HTR2A: variants seen among roughly 807,000 people sequenced by gnomAD.
HTR2A encodes the protein 5-HT2 receptor.
In HTR2A, 14 loss-of-function variants were observed where a neutral mutation model predicts 31.0. The ratio of observed to expected loss-of-function variants is 0.45; its 90% confidence interval spans 0.30 to 0.71. The LOEUF is 0.71. Ranked by LOEUF, HTR2A falls within the 30% of genes least tolerant of loss-of-function variation. The pLI is 0.09. For missense variants in HTR2A, 442 were observed against 573.3 expected, an observed-to-expected ratio of 0.77 and a Z score of 2.34; for synonymous variants, 209 against 225.2, an observed-to-expected ratio of 0.93 and a Z score of 0.64.
In HTR2A at chr13:46,831,816, A is replaced by G. The variant is rs541905869; in HGVS notation, c.*3021T>C. 18 of 152,362 alleles carry G rather than the reference A, an allele frequency of 1.2e-4. No homozygotes were observed. Among genetic ancestry groups the G allele is most frequent in the African/African-American group, 3.8e-4 (16 of 41,586 alleles). 9.4% of individuals were successfully genotyped at this position (152,362 alleles called of 1,614,324 possible). Reference sequence around the variant, plus strand: ...GGCGCTGTGGCCAAGTAAATGCAGTATGCTTTAAACAGTTTTCCCTAATTA... The same window carrying G: ...GGCGCTGTGGCCAAGTAAATGCAGTGTGCTTTAAACAGTTTTCCCTAATTA... On this transcript the variant is annotated 3_prime_UTR_variant, in exon 4 of 4. Transcript: ENST00000542664.
At chr13:46,849,039 T>G (rs1566303099) in intron 3 of HTR2A, among the ~76,000 whole-genome samples, 1 of 152,304 alleles carries the variant, frequency 6.6e-6, no homozygotes, top group East Asian at 1.9e-4. Flanking sequence ...CCTCTCAATT[T>G]GGATGTCTCC....
intron 3 of HTR2A, chr13:46,856,094 C>T (rs980413576): frequency 3.3e-5 from 5 of 152,328 alleles, no homozygotes; most frequent in East Asian, 1.9e-4. Context: ...TCTTAGAAAA[C>T]GAAGAGTGCT....
At chr13:46,882,891 G>A (rs1950977122) in intron 3 of HTR2A, among the ~76,000 whole-genome samples, 1 of 152,134 alleles carries the variant, frequency 6.6e-6, no homozygotes, top group Admixed American at 6.5e-5. Context: ...GATCCACCAT[G>A]CAAACAGAAA....
intron 3 of HTR2A, among the ~76,000 whole-genome samples, chr13:46,891,686 T>C (rs1951053870): frequency 6.6e-6 from 1 of 152,228 alleles, no homozygotes; most frequent in Admixed American, 6.5e-5. Context: ...CCAACCAAGC[T>C]GCTGAGGTTG....
At chr13:46,896,352 A>C (rs760680537) in intron 1 of HTR2A, 118 bp from the exon 2 acceptor site, 4 of 507,854 alleles carry the variant, frequency 7.9e-6, no homozygotes, top group African/African-American at 2.0e-5. Context: ...GCATGCAATC[A>C]GAAACAGTGG....
chr13:46,878,956 A>G (rs985830470), intron 3 of HTR2A, among the ~76,000 whole-genome samples: 2 of 152,254 alleles, frequency 1.3e-5, no homozygotes, highest in African/African-American at 4.8e-5. Context: ...GAATTTCTGG[A>G]AGACAGCAGA....
rs182959107 is a variant in HTR2A, at chr13:46,886,378, A to G, written c.613+6012T>C. On this transcript the variant is annotated intron_variant, in intron 3 of 3. Transcript: ENST00000542664. ...TCATTTAAAAATGAGCTATTAAAAT[A>G]TAAATATAAGATGGAAGGGCTAAAA... Among the ~76,000 whole-genome samples, 7 of 152,304 alleles carry G rather than the reference A, an allele frequency of 4.6e-5. No individual in the cohort carries two copies. In the East Asian group the frequency reaches 1.2e-3, roughly 25 times the overall value.
Position 46,832,278 on chromosome 13 carries a change from C to G in HTR2A, c.*2559G>C, listed in dbSNP as rs569651540. On this transcript the variant is annotated 3_prime_UTR_variant, in exon 4 of 4. Coordinates refer to ENST00000542664, the MANE Select transcript of HTR2A (RefSeq NM_000621.5). ...AATAAACATGATACAAACATGCACA[C>G]ATGTGTATATACTGAGTGTTTTCAT... is the stretch of plus-strand genomic sequence containing the variant. 6 of 152,202 alleles carry G rather than the reference C, an allele frequency of 3.9e-5. No individual in the cohort carries two copies. Among genetic ancestry groups the G allele is most frequent in the Non-Finnish European group, 8.8e-5 (6 of 68,032 alleles). 9.4% of individuals were successfully genotyped at this position (152,202 alleles called of 1,614,324 possible).
chr13:46,873,959 A>T (rs1047557820), intron 3 of HTR2A, among the ~76,000 whole-genome samples: 1 of 152,188 alleles, frequency 6.6e-6, no homozygotes. Context: ...CCCTGAGGAA[A>T]ATTCCCTATT....
intron 3 of HTR2A, among the ~76,000 whole-genome samples, chr13:46,858,117 TTAA>T (rs968133364): frequency 6.6e-6 from 1 of 151,952 alleles, no homozygotes; most frequent in Non-Finnish European, 1.5e-5. Flanking sequence ...AAAATGAAGG[TTAA>T]GAGTTTAGCT....
At chr13:46,888,470 GA>G (rs34023544) in intron 3 of HTR2A, among the ~76,000 whole-genome samples, 26,566 of 146,934 alleles carry the variant, frequency 0.18, 2,605 homozygotes, top group Non-Finnish European at 0.21. Flanking sequence ...ATGAAGTGCT[GA>G]AAAAAAAAAA....
In HTR2A at chr13:46,892,585, G is replaced by T. The variant is rs962495795; in HGVS notation, c.418C>A (p.Arg140=). 2.5e-6 allele frequency: 4 copies of T among 1,614,024 alleles called. No homozygotes were observed. The highest frequency in any genetic ancestry group is 3.4e-6 in the Non-Finnish European group (4 of 1,179,970). Residue 140 remains arginine (R), a synonymous_variant, in exon 3 of 4, where the codon CGG becomes AGG. Coordinates refer to ENST00000542664, the MANE Select transcript of HTR2A (RefSeq NM_000621.5). ...CAAAGCTTGCTCGGCAGAGGCCACCGGTACCCTATGAGGCAGAAGGTTGGT... is the reference window on the plus strand; with the variant it reads ...CAAAGCTTGCTCGGCAGAGGCCACCTGTACCCTATGAGGCAGAAGGTTGGT... The part of the protein sequence containing the change: ...VSMLTILYGY[R]WPLPSKLCAV...
rs770236124 is a variant in HTR2A at position 46,835,542 on chromosome 13, G to A, written c.711C>T (p.Ile237=). The change falls in exon 4 of 4, where the codon ATC becomes ATT. Residue 237 remains isoleucine, a synonymous_variant. Coordinates refer to ENST00000542664, the MANE Select transcript of HTR2A (RefSeq NM_000621.5). ...GAATGAAAAATGACACAAAAGAGCCGATCAGGACAAAGTTATCATCGGCGA... is the reference window on the plus strand; with the variant it reads ...GAATGAAAAATGACACAAAAGAGCCAATCAGGACAAAGTTATCATCGGCGA... ...CLLADDNFVL[I]GSFVSFFIPL... is the part of the protein sequence containing the mutation. The A allele has an allele frequency of 1.4e-5, 23 of 1,613,848 alleles. 1 individual carries two copies. Among genetic ancestry groups the A allele is most frequent in the Middle Eastern group, 1.6e-4 (1 of 6,082 alleles).
intron 3 of HTR2A, among the ~76,000 whole-genome samples, chr13:46,870,494 T>C (rs1487796681): frequency 6.6e-6 from 1 of 152,196 alleles, no homozygotes; most frequent in Non-Finnish European, 1.5e-5. Context: ...TTTGCTAAGA[T>C]ACATTGTATG....
At chr13:46,875,219 A>C (rs1463839363) in intron 3 of HTR2A, among the ~76,000 whole-genome samples, 1 of 152,200 alleles carries the variant, frequency 6.6e-6, no homozygotes, top group Non-Finnish European at 1.5e-5. Flanking sequence ...AGTCATGTAA[A>C]CCTTTATAGT....
chr13:46,892,625 C>T, intron 2 of HTR2A, 35 bp from the exon 3 acceptor site: 2 of 1,571,294 alleles, frequency 1.3e-6, no homozygotes, highest in Middle Eastern at 1.9e-4. Context: ...GTGAGCAACC[C>T]TGTGCCTCCT....
At chr13:46,852,119 G>A (rs940208349) in intron 3 of HTR2A, 2 of 152,290 alleles carry the variant, frequency 1.3e-5, no homozygotes, top group Non-Finnish European at 2.9e-5. Context: ...GAAGCTGGAG[G>A]GGCCAGTGAC....
At position 46,854,849 on chromosome 13, in the gene HTR2A, G is replaced by C. The variant is rs79513460; in HGVS notation, c.614-19210C>G. ...CCCTCAAATGATCCCCAGTAGCTGT[G>C]AATGTGATCTTATTTGGAAATAGAT... is the stretch of plus-strand genomic sequence containing the variant. On this transcript the variant is annotated intron_variant, in intron 3 of 3. Transcript: ENST00000542664. Among the ~76,000 whole-genome samples the C allele has an allele frequency of 4.8e-3, 727 of 152,270 alleles. 7 individuals carry two copies. Among genetic ancestry groups the C allele is most frequent in the African/African-American group, 0.016 (684 of 41,544 alleles).
chr13:46,867,877 C>T (rs1429629548), intron 3 of HTR2A, among the ~76,000 whole-genome samples: 1 of 152,072 alleles, frequency 6.6e-6, no homozygotes, highest in East Asian at 1.9e-4. Context: ...CCAAAACCTG[C>T]CTTTAAGTCT....
Sources: allele counts gnomAD v4.1 joint callset (sites outside exome capture counted in the v4.1 genomes callset), GRCh38; gene constraint gnomAD v4.1.1; transcripts MANE v1.5; gene names NCBI Gene and HGNC (gene_info 2026-07-23, HGNC 2026-07-21).